The following SORL1-AS1 variants were observed in gnomAD, a reference collection of about 807,000 sequenced individuals.
The protein encoded by SORL1-AS1 is SORL1 antisense RNA 1.
downstream of SORL1-AS1, among the ~76,000 whole-genome samples, chr11:121,444,853 A>G (rs1016106016): frequency 1.3e-5 from 2 of 152,264 alleles, no homozygotes; most frequent in African/African-American, 4.8e-5. Context: ...TTTCATTTAC[A>G]TAATGTTAGA....
chr11:121,438,545 T>C, the SORL1-AS1 span, among the ~76,000 whole-genome samples: 1 of 152,052 alleles, frequency 6.6e-6, no homozygotes, highest in Non-Finnish European at 1.5e-5. Flanking sequence ...AGTCGTTCAT[T>C]GTGTGTACTC....
Position 121,452,364 on chromosome 11 carries a change from A to G in SORL1-AS1, n.339+311T>C, listed in dbSNP as rs1860812364. The G allele has an allele frequency of 5.8e-6, 9 of 1,552,536 alleles. No individual in the cohort carries two copies. Among genetic ancestry groups the G allele is most frequent in the Non-Finnish European group, 7.8e-6 (9 of 1,154,010 alleles). On this transcript the variant is annotated intron_variant and non_coding_transcript_variant, in intron 1 of 1. Transcript: ENST00000501964. The surrounding 1 kb of genome is among the most constrained non-coding windows in gnomAD (Gnocchi z 5.3). ...CACGGAGCAGCAGGAGGGAGTCGCGACTCCCGTTCCTATTCACCCTGGTCG... is the reference window on the plus strand; with the variant it reads ...CACGGAGCAGCAGGAGGGAGTCGCGGCTCCCGTTCCTATTCACCCTGGTCG...
At chr11:121,442,880 A>G (rs941470070), downstream of SORL1-AS1, among the ~76,000 whole-genome samples, 89 of 149,770 alleles carry the variant, frequency 5.9e-4, 1 homozygote, top group Non-Finnish European at 4.1e-4. Flanking sequence ...GGGTTTCACC[A>G]TGTTAACCAG....
Position 121,452,572 on chromosome 11 carries a change from C to T in SORL1-AS1, n.339+103G>A. 6.6e-7 allele frequency: 1 copy of T among 1,519,160 alleles called. No homozygotes were observed. Among genetic ancestry groups the T allele is most frequent in the East Asian group, 2.6e-5 (1 of 37,748 alleles). 94.1% of individuals were successfully genotyped at this position (1,519,160 alleles called of 1,614,324 possible). A position where few individuals can be genotyped will look rare whatever the true frequency, so the allele number is the denominator to read the frequency against. Reference sequence around the variant, plus strand: ...GGACGAGAAGCCGCTCCGGAGGAAACGGAGCGCTGCCCTGCAGCCCGAGCC... The same window carrying T: ...GGACGAGAAGCCGCTCCGGAGGAAATGGAGCGCTGCCCTGCAGCCCGAGCC... On this transcript the variant is annotated intron_variant and non_coding_transcript_variant, in intron 1 of 1. Coordinates refer to ENST00000501964, the Ensembl canonical transcript of SORL1-AS1. The surrounding 1 kb of genome is among the most constrained non-coding windows in gnomAD (Gnocchi z 5.3).
downstream of SORL1-AS1, among the ~76,000 whole-genome samples, chr11:121,444,092 G>A (rs530996370): frequency 2.8e-5 from 4 of 145,298 alleles, no homozygotes; most frequent in Non-Finnish European, 6.1e-5. Context: ...GTGTGTGCGC[G>A]TGGGTGTGTG....
chr11:121,452,743 G>GC lies in SORL1-AS1; in HGVS notation n.270_271insG, dbSNP rs1860825611. The stretch of plus-strand genomic sequence containing the variant: ...ACTGGGGACTTCCCGGCTTGCATTT[G>GC]TTTTTTTCCTTCACGAGTACAACCG... On this transcript the variant is annotated non_coding_transcript_exon_variant, in exon 1 of 2. Coordinates refer to ENST00000501964, the Ensembl canonical transcript of SORL1-AS1. This position sits in a 1 kb window ranked among gnomAD's most constrained non-coding sequence, Gnocchi z 5.3. The GC allele has an allele frequency of 2.4e-6, 2 of 820,610 alleles. No individual in the cohort carries two copies. Among genetic ancestry groups the GC allele is most frequent in the South Asian group, 2.4e-5 (1 of 42,044 alleles). The allele number at this position is 820,610 out of a possible 1,614,324, so 50.8% of individuals were successfully genotyped here.
At chr11:121,451,809 C>A (rs373993535) in intron 1 of SORL1-AS1, among the ~76,000 whole-genome samples, 4 of 152,266 alleles carry the variant, frequency 2.6e-5, no homozygotes, top group Admixed American at 2.6e-4. Flanking sequence ...CTGGACTCTT[C>A]CCTGGAGGTG....
In SORL1-AS1 at chr11:121,452,241, C is replaced by T. The variant is rs1860807626; in HGVS notation, n.339+434G>A. 29 of 1,078,504 alleles carry T rather than the reference C, an allele frequency of 2.7e-5. No homozygotes were observed. The highest frequency in any genetic ancestry group is 1.5e-4 in the South Asian group (4 of 27,532). 66.8% of individuals were successfully genotyped at this position (1,078,504 alleles called of 1,614,324 possible). On this transcript the variant is annotated intron_variant and non_coding_transcript_variant, in intron 1 of 1. Coordinates refer to ENST00000501964, the Ensembl canonical transcript of SORL1-AS1. This position sits in a 1 kb window ranked among gnomAD's most constrained non-coding sequence, Gnocchi z 5.3. ...GGGCGGCCTGGAGCCCCGGGAGCGGCGCGCGCGGTCCCGGCCCAGCGGCTC... is the reference window on the plus strand; with the variant it reads ...GGGCGGCCTGGAGCCCCGGGAGCGGTGCGCGCGGTCCCGGCCCAGCGGCTC...
downstream of SORL1-AS1, among the ~76,000 whole-genome samples, chr11:121,445,486 T>C (rs1334594235): frequency 6.6e-6 from 1 of 152,132 alleles, no homozygotes; most frequent in Non-Finnish European, 1.5e-5. Flanking sequence ...CAGCTCTCCT[T>C]TGGTGTCTCT....
chr11:121,451,740 A>G (rs1188006351), intron 1 of SORL1-AS1, among the ~76,000 whole-genome samples: 1 of 152,132 alleles, frequency 6.6e-6, no homozygotes. Flanking sequence ...TGAGTTTCCC[A>G]ATAGAGCGGG....
chr11:121,452,351 G>T lies in SORL1-AS1; in HGVS notation n.339+324C>A. The T allele has an allele frequency of 6.4e-7, 1 of 1,554,424 alleles. No individual in the cohort carries two copies. The highest frequency in any genetic ancestry group is 1.2e-5 in the South Asian group (1 of 84,070). ...CCGAACATGGCGACACGGAGCAGCA[G>T]GAGGGAGTCGCGACTCCCGTTCCTA... On this transcript the variant is annotated intron_variant and non_coding_transcript_variant, in intron 1 of 1. Coordinates refer to ENST00000501964, the Ensembl canonical transcript of SORL1-AS1. This position sits in a 1 kb window ranked among gnomAD's most constrained non-coding sequence, Gnocchi z 5.3.
At chr11:121,441,367 CA>C in the SORL1-AS1 span, among the ~76,000 whole-genome samples, 1,744 of 132,658 alleles carry the variant, frequency 0.013, 10 homozygotes, top group Admixed American at 0.021. Flanking sequence ...ACTAAAAATA[CA>C]AAAAAAAAAA....
exon 2 of SORL1-AS1, chr11:121,447,948 C>T (rs1860744021): frequency 6.6e-6 from 1 of 152,220 alleles, no homozygotes; most frequent in Non-Finnish European, 1.5e-5. Context: ...CAGCTCTTCT[C>T]TTCCTAAGAG....
Position 121,452,291 on chromosome 11 carries a change from C to T in SORL1-AS1, n.339+384G>A. On this transcript the variant is annotated intron_variant and non_coding_transcript_variant, in intron 1 of 1. Coordinates refer to ENST00000501964, the Ensembl canonical transcript of SORL1-AS1. This position sits in a 1 kb window ranked among gnomAD's most constrained non-coding sequence, Gnocchi z 5.3. ...CTCCTGGCCTCGCGCTGCACATTCT[C>T]TCCTGGCGGCGGCGCCACCTGCAGT... 1 of 1,454,444 alleles carries T rather than the reference C, an allele frequency of 6.9e-7. No homozygotes were observed. Among genetic ancestry groups the T allele is most frequent in the African/African-American group, 1.5e-5 (1 of 67,756 alleles). The allele number at this position is 1,454,444 out of a possible 1,614,324, so 90.1% of individuals were successfully genotyped here.
At chr11:121,450,000 T>C (rs1028359215) in intron 1 of SORL1-AS1, 1 of 152,236 alleles carries the variant, frequency 6.6e-6, no homozygotes, top group Admixed American at 6.5e-5. Context: ...AGCATTCAAG[T>C]TGCAAATCAA....
chr11:121,446,211 A>G (rs1860720662), downstream of SORL1-AS1, among the ~76,000 whole-genome samples: 3 of 152,216 alleles, frequency 2.0e-5, no homozygotes, highest in African/African-American at 7.2e-5. Flanking sequence ...ACTCCAAGAC[A>G]TCATTACAAT....
chr11:121,452,347 A>T lies in SORL1-AS1; in HGVS notation n.339+328T>A. The T allele has an allele frequency of 1.3e-6, 2 of 1,552,436 alleles. No homozygotes were observed. The highest frequency in any genetic ancestry group is 1.7e-6 in the Non-Finnish European group (2 of 1,153,878). The stretch of plus-strand genomic sequence containing the variant: ...TCGCCCGAACATGGCGACACGGAGC[A>T]GCAGGAGGGAGTCGCGACTCCCGTT... On this transcript the variant is annotated intron_variant and non_coding_transcript_variant, in intron 1 of 1. Transcript: ENST00000501964. The surrounding 1 kb of genome is among the most constrained non-coding windows in gnomAD (Gnocchi z 5.3).
At chr11:121,442,135 A>C in the SORL1-AS1 span, among the ~76,000 whole-genome samples, 1 of 152,200 alleles carries the variant, frequency 6.6e-6, no homozygotes, top group African/African-American at 2.4e-5. Flanking sequence ...TCTGCTATAC[A>C]GGCAGATGTT....
At chr11:121,443,848 A>C (rs1860691835), downstream of SORL1-AS1, among the ~76,000 whole-genome samples, 1 of 152,208 alleles carries the variant, frequency 6.6e-6, no homozygotes, top group Non-Finnish European at 1.5e-5. Context: ...AATCCAGCAG[A>C]CCCAGCAGGC....
Sources: allele counts gnomAD v4.1 joint callset (sites outside exome capture counted in the v4.1 genomes callset), GRCh38; gene constraint gnomAD v4.1.1; non-coding constraint Gnocchi (gnomAD v3.1); transcripts MANE v1.5; gene names NCBI Gene and HGNC (gene_info 2026-07-23, HGNC 2026-07-21).